The following LUZP2 variants were observed in gnomAD, a reference collection of about 807,000 sequenced individuals.
LUZP2 encodes the protein leucine zipper protein 2.
Under a neutral mutation model 51.6 loss-of-function variants are expected in LUZP2, and 52 were observed. The ratio of observed to expected loss-of-function variants is 1.01; its 90% CI spans 0.81 to 1.27. The LOEUF is 1.27. Ranked by LOEUF, LUZP2 falls within the 50% of genes most tolerant of loss-of-function variation. The pLI is 0.00. For missense variants in LUZP2, 436 were observed against 395.4 expected (o/e 1.10, Z -0.87); for synonymous variants, 154 against 137.3 (o/e 1.12, Z -0.85).
intron 5 of LUZP2, among the ~76,000 whole-genome samples, chr11:24,848,729 G>A (rs375222961): frequency 6.6e-6 from 1 of 152,128 alleles, no homozygotes; most frequent in Non-Finnish European, 1.5e-5. Flanking sequence ...ACAATGGAAA[G>A]GGAATGAATG....
chr11:24,953,030 A>T (rs545801286), intron 7 of LUZP2, among the ~76,000 whole-genome samples: 1 of 152,086 alleles, frequency 6.6e-6, no homozygotes, highest in East Asian at 1.9e-4. Context: ...ATAACAAAAA[A>T]GTCTGTCGAG....
rs192704570 is a variant in LUZP2, at chr11:24,897,428, A to G, written c.397-8563A>G. On this transcript the variant is annotated intron_variant, in intron 5 of 11. Transcript: ENST00000336930. ...GCTGTAACACTCATTGCGAAGGTCC[A>G]CAGCTTAACTTCTGAGGCCAGCGAA... Among the ~76,000 whole-genome samples, 208 of 152,274 alleles carry G rather than the reference A, an allele frequency of 1.4e-3. 1 individual carries two copies. The highest frequency in any genetic ancestry group is 4.9e-3 in the African/African-American group (205 of 41,554).
chr11:25,052,959 A>T (rs965633078), intron 10 of LUZP2, among the ~76,000 whole-genome samples: 2 of 152,174 alleles, frequency 1.3e-5, no homozygotes, highest in Non-Finnish European at 2.9e-5. Flanking sequence ...AATGTCCTTA[A>T]TAAAATTGAT....
At chr11:25,037,649 G>T (rs1857907182) in intron 9 of LUZP2, among the ~76,000 whole-genome samples, 1 of 152,096 alleles carries the variant, frequency 6.6e-6, no homozygotes, top group Admixed American at 6.6e-5. Context: ...GATAAGGCCA[G>T]TCTGGTTAAA....
chr11:24,673,078 C>T (rs760038481), intron 1 of LUZP2, among the ~76,000 whole-genome samples: 1 of 152,136 alleles, frequency 6.6e-6, no homozygotes, highest in Non-Finnish European at 1.5e-5. Context: ...CAAAACCATC[C>T]TCCCAACATA....
At position 24,949,946 on chromosome 11, in the gene LUZP2, GC is replaced by G. The variant is rs1210992642; in HGVS notation, c.523-26642del. Among the ~76,000 whole-genome samples the G allele has an allele frequency of 2.1e-3, 298 of 144,302 alleles. 4 individuals are homozygous for G. Among genetic ancestry groups the G allele is most frequent in the African/African-American group, 7.0e-3 (276 of 39,370 alleles). 94.7% of individuals were successfully genotyped at this position (144,302 alleles called of 152,430 possible). On this transcript the variant is annotated intron_variant, in intron 7 of 11. Coordinates refer to ENST00000336930, the MANE Select transcript of LUZP2 (RefSeq NM_001009909.4). ...TCTTTGTAACTCAAATGCTCCCCCC[GC>G]CCTTTTTCTTTCTTTCTTTTCTTTT...
intron 1 of LUZP2, among the ~76,000 whole-genome samples, chr11:24,653,121 G>A (rs1331542026): frequency 6.6e-6 from 1 of 152,126 alleles, no homozygotes; most frequent in Non-Finnish European, 1.5e-5. Flanking sequence ...TCTGAGAATA[G>A]ACTCTCAGTG....
At chr11:24,498,143 T>C (rs1280574422) in intron 1 of LUZP2, among the ~76,000 whole-genome samples, 1 of 152,224 alleles carries the variant, frequency 6.6e-6, no homozygotes, top group Non-Finnish European at 1.5e-5. Flanking sequence ...AAAGGTGGAC[T>C]GTTTAGTTGC....
At chr11:24,771,299 T>C (rs77341409) in intron 5 of LUZP2, among the ~76,000 whole-genome samples, 10,874 of 150,692 alleles carry the variant, frequency 0.072, 819 homozygotes, top group African/African-American at 0.19. Flanking sequence ...TGAAGGCTAT[T>C]GAATAAGTGA....
intron 9 of LUZP2, among the ~76,000 whole-genome samples, chr11:25,009,640 CTT>C (rs1330188824): frequency 4.6e-5 from 7 of 151,996 alleles, no homozygotes; most frequent in African/African-American, 1.7e-4. Flanking sequence ...TTTTTAAAAA[CTT>C]TCTATTTTTC....
At chr11:24,723,663 C>CA (rs1386354556) in intron 1 of LUZP2, among the ~76,000 whole-genome samples, 1 of 151,884 alleles carries the variant, frequency 6.6e-6, no homozygotes, top group African/African-American at 2.4e-5. Flanking sequence ...CCCATCTCTA[C>CA]AAAAAATTAA....
chr11:24,998,727 C>G (rs1856585606), intron 9 of LUZP2, among the ~76,000 whole-genome samples: 1 of 152,104 alleles, frequency 6.6e-6, no homozygotes. Flanking sequence ...GATTTCTGGG[C>G]TCTCTTTCAG....
In LUZP2 at chr11:25,065,564, T is replaced by C. The variant is rs530705648; in HGVS notation, c.859-11765T>C. Reference sequence around the variant, plus strand: ...TAAGAATTTAAACATTGACTAAACATAGATTCCGTCACCCACGGGGTTTAA... The same window carrying C: ...TAAGAATTTAAACATTGACTAAACACAGATTCCGTCACCCACGGGGTTTAA... On this transcript the variant is annotated intron_variant, in intron 10 of 11. Transcript: ENST00000336930. Among the ~76,000 whole-genome samples the C allele has an allele frequency of 3.7e-4, 56 of 152,154 alleles. 2 individuals carry two copies. The South Asian group carries it at 0.011, about 29-fold the overall frequency.
chr11:24,749,843 G>T (rs1399834477), intron 4 of LUZP2, among the ~76,000 whole-genome samples: 1 of 152,108 alleles, frequency 6.6e-6, no homozygotes, highest in Non-Finnish European at 1.5e-5. Flanking sequence ...ACTGAAGGCT[G>T]CACTGTCAGC....
chr11:24,987,829 T>C (rs982820084), intron 9 of LUZP2, among the ~76,000 whole-genome samples: 5 of 151,912 alleles, frequency 3.3e-5, no homozygotes, highest in African/African-American at 1.2e-4. Flanking sequence ...CTCAAAACAG[T>C]GCACCTGGAA....
intron 1 of LUZP2, among the ~76,000 whole-genome samples, chr11:24,635,183 C>A (rs989787152): frequency 1.7e-3 from 247 of 147,510 alleles, no homozygotes; most frequent in African/African-American, 5.8e-3. Flanking sequence ...TAAATAAATA[C>A]AAATAAAAAA....
At chr11:24,498,222 T>C (rs571912225) in intron 1 of LUZP2, among the ~76,000 whole-genome samples, 17 of 152,324 alleles carry the variant, frequency 1.1e-4, no homozygotes, top group African/African-American at 3.6e-4. Flanking sequence ...TTGGCTACTA[T>C]AAAATAAAAT....
chr11:24,541,064 C>T (rs1398698060), intron 1 of LUZP2, among the ~76,000 whole-genome samples: 2 of 151,814 alleles, frequency 1.3e-5, no homozygotes, highest in Non-Finnish European at 2.9e-5. Flanking sequence ...ACCAGCCTGG[C>T]CAATATGGTG....
chr11:25,077,717 C>G (rs557562298), intron 11 of LUZP2, among the ~76,000 whole-genome samples: 67 of 151,808 alleles, frequency 4.4e-4, no homozygotes, highest in African/African-American at 1.5e-3. Context: ...AGGATGGTCT[C>G]GATTTCCTGA....
Sources: gnomAD v4.1 joint callset for allele counts (sites outside exome capture counted in the v4.1 genomes callset) on GRCh38, gnomAD v4.1.1 for gene constraint, MANE v1.5 for transcripts, NCBI Gene and HGNC (gene_info 2026-07-23, HGNC 2026-07-21) for gene names.